The following RPA2 variants were observed in gnomAD, a reference collection of about 807,000 sequenced individuals.
RPA2 encodes replication protein A 32 kDa subunit.
RPA2 carries 22 observed loss-of-function variants against 33.4 expected under a neutral mutation model. The ratio of observed to expected loss-of-function variants is 0.66; its 90% CI spans 0.47 to 0.94. RPA2 has a LOEUF of 0.94. Among genes scored for constraint, RPA2 ranks in the 40% least tolerant of loss-of-function variants. RPA2 has a pLI of 0.00. For missense variants in RPA2, 279 were observed against 329.9 expected (o/e 0.85, Z 1.19); for synonymous variants, 109 against 114.9 (o/e 0.95, Z 0.33).
At position 27,894,055 on chromosome 1, in the gene RPA2, C is replaced by A; in HGVS notation, c.685G>T (p.Asp229Tyr). ...ATGTGTTTCAGCTGGTTCTTGAGATCCTGAAAGTTCAACCCTTCAGGTCTT... is the reference window on the plus strand; with the variant it reads ...ATGTGTTTCAGCTGGTTCTTGAGATACTGAAAGTTCAACCCTTCAGGTCTT... ...CPRPEGLNFQ[D>Y]LKNQLKHMSV... The change falls in exon 8 of 9, where the codon GAT (aspartate) becomes TAT (tyrosine). Residue 229 changes from aspartate to tyrosine, a missense_variant. Around this residue, in one of 2 missense-constraint regions of RPA2, gnomAD observed 274 missense variants for 310.3 expected, o/e 0.88. Coordinates refer to ENST00000373912, the MANE Select transcript of RPA2 (RefSeq NM_002946.5). 6.2e-7 allele frequency: 1 copy of A among 1,614,130 alleles called. No homozygotes were observed. Among genetic ancestry groups the A allele is most frequent in the Non-Finnish European group, 8.5e-7 (1 of 1,180,006 alleles).
chr1:27,892,647 C>G (rs2089839056), intron 8 of RPA2, among the ~76,000 whole-genome samples: 1 of 152,232 alleles, frequency 6.6e-6, no homozygotes, highest in Admixed American at 6.5e-5. Context: ...CCGTTGGTCC[C>G]TCTCAGGGAA....
chr1:27,909,597 C>T (rs1371519657), intron 2 of RPA2, among the ~76,000 whole-genome samples: 1 of 151,990 alleles, frequency 6.6e-6, no homozygotes, highest in African/African-American at 2.4e-5. Flanking sequence ...GCCTGTAATC[C>T]CAGCTACTGG....
At chr1:27,907,152 G>A in intron 3 of RPA2, 29 bp downstream of exon 3, 1 of 1,596,324 alleles carries the variant, frequency 6.3e-7, no homozygotes. Context: ...TTATGAGTAA[G>A]TGATTCTTTC....
chr1:27,895,946 C>T (rs2089885722), intron 6 of RPA2, among the ~76,000 whole-genome samples: 1 of 152,080 alleles, frequency 6.6e-6, no homozygotes, highest in African/African-American at 2.4e-5. Flanking sequence ...CTGGCTCTTG[C>T]ACATCCTAGT....
In RPA2 at chr1:27,900,279, T is replaced by G. The variant is rs1026150291; in HGVS notation, c.334-2572A>C. On this transcript the variant is annotated intron_variant, in intron 4 of 8. Transcript: ENST00000373912. ...GGCATGCACCACTGTGCCCGGCTAG[T>G]TTTTGCATTTTTAGTAGAGACGGGG... 4.6e-5 allele frequency among the ~76,000 whole-genome samples: 7 copies of G among 151,672 alleles called. No individual in the cohort carries two copies. In the East Asian group the frequency reaches 1.4e-3, roughly 29 times the overall value.
chr1:27,905,329 T>C lies in RPA2; in HGVS notation c.333+1599A>G, dbSNP rs556989727. 3.9e-5 allele frequency among the ~76,000 whole-genome samples: 6 copies of C among 152,322 alleles called. No homozygotes were observed. The East Asian group carries it at 1.2e-3, about 29-fold the overall frequency. Reference sequence around the variant, plus strand: ...TTCATTTTGAGACAGAGTCTTGCTCTGTCGCCCAGGCTGGAGTGCAGTGGC... The same window carrying C: ...TTCATTTTGAGACAGAGTCTTGCTCCGTCGCCCAGGCTGGAGTGCAGTGGC... On this transcript the variant is annotated intron_variant, in intron 4 of 8. Transcript: ENST00000373912.
Position 27,893,342 on chromosome 1 carries a change from G to A in RPA2, c.728+670C>T, listed in dbSNP as rs141947197. ...TTTGTGTGTGTGACAGTCTCACTCT[G>A]TCATCCAGGATGGAGTGCAGTGGCA... is the stretch of plus-strand genomic sequence containing the variant. On this transcript the variant is annotated intron_variant, in intron 8 of 8. Coordinates refer to ENST00000373912, the MANE Select transcript of RPA2 (RefSeq NM_002946.5). 4.5e-4 allele frequency among the ~76,000 whole-genome samples: 69 copies of A among 152,252 alleles called. 4 individuals are homozygous for A. The highest frequency in any genetic ancestry group is 3.4e-3 in the Middle Eastern group (1 of 294).
At chr1:27,904,335 G>T (rs970832939) in intron 4 of RPA2, among the ~76,000 whole-genome samples, 3 of 152,118 alleles carry the variant, frequency 2.0e-5, no homozygotes, top group African/African-American at 7.2e-5. Context: ...AAAATGTGTC[G>T]TAATAGTAGT....
At chr1:27,899,814 G>T (rs1369082085) in intron 4 of RPA2, among the ~76,000 whole-genome samples, 6 of 151,950 alleles carry the variant, frequency 3.9e-5, no homozygotes, top group Non-Finnish European at 8.8e-5. Context: ...CCTAGTAGCT[G>T]GGACTACAGG....
chr1:27,906,324 G>A (rs947456094), intron 4 of RPA2, among the ~76,000 whole-genome samples: 7 of 151,238 alleles, frequency 4.6e-5, no homozygotes, highest in South Asian at 2.1e-4. Context: ...CTGAGATTGC[G>A]CCATTGCACT....
chr1:27,903,220 C>T (rs189645191), intron 4 of RPA2, among the ~76,000 whole-genome samples: 123 of 152,216 alleles, frequency 8.1e-4, no homozygotes, highest in African/African-American at 2.8e-3. Flanking sequence ...TGAGCCACGA[C>T]GCCTGGCCTT....
chr1:27,892,799 ACT>A (rs1421782627), intron 8 of RPA2, among the ~76,000 whole-genome samples: 1 of 152,160 alleles, frequency 6.6e-6, no homozygotes, highest in Non-Finnish European at 1.5e-5. Context: ...TCAGCACGCA[ACT>A]CTGAGATAGG....
At position 27,891,654 on chromosome 1, in the gene RPA2, AAC is replaced by A. The variant is rs1304273416; in HGVS notation, c.*507_*508del. The A allele has an allele frequency of 6.5e-6, 1 of 152,922 alleles. No individual in the cohort carries two copies. Among genetic ancestry groups the A allele is most frequent in the East Asian group, 1.9e-4 (1 of 5,214 alleles). 9.5% of individuals were successfully genotyped at this position (152,922 alleles called of 1,614,324 possible). On this transcript the variant is annotated 3_prime_UTR_variant, in exon 9 of 9. Coordinates refer to ENST00000373912, the MANE Select transcript of RPA2 (RefSeq NM_002946.5). ...TACCGCAGAACTTCATGTTCACAGA[AAC>A]ACACGTCATGGCAAGTGTGTCAAAA...
At chr1:27,907,135 T>C (rs779346244) in intron 3 of RPA2, 46 bp downstream of exon 3, 2 of 1,587,406 alleles carry the variant, frequency 1.3e-6, no homozygotes, top group South Asian at 2.3e-5. Context: ...TCTTATTTCA[T>C]TCTTTATTAT....
Position 27,897,684 on chromosome 1 carries a change from C to G in RPA2, c.357G>C (p.Val119=), listed in dbSNP as rs2089910404. The change falls in exon 5 of 9, where the codon GTG becomes GTC. Residue 119 remains valine, a synonymous_variant. Transcript: ENST00000373912. The part of the protein sequence containing the change: ...DTDDTSSENT[V]VPPETYVKVA... ...CTTTCACATATGTTTCTGGAGGAACCACAGTGTTTTCACTGCTGGTGTCCT... is the reference window on the plus strand; with the variant it reads ...CTTTCACATATGTTTCTGGAGGAACGACAGTGTTTTCACTGCTGGTGTCCT... 1 of 1,600,602 alleles carries G rather than the reference C, an allele frequency of 6.2e-7. No homozygotes were observed. Among genetic ancestry groups the G allele is most frequent in the African/African-American group, 1.3e-5 (1 of 74,380 alleles).
At chr1:27,902,493 A>C (rs192576713) in intron 4 of RPA2, among the ~76,000 whole-genome samples, 1 of 152,206 alleles carries the variant, frequency 6.6e-6, no homozygotes, top group East Asian at 1.9e-4. Flanking sequence ...CATGTTGGCC[A>C]GGCTGGTCTC....
chr1:27,894,181 TAGAAA>T, intron 7 of RPA2, 75 bp from the exon 8 acceptor site: 1 of 1,515,250 alleles, frequency 6.6e-7, no homozygotes, highest in Non-Finnish European at 9.1e-7. Context: ...AGTCCCTTTA[TAGAAA>T]AGAAATGAAC....
intron 2 of RPA2, among the ~76,000 whole-genome samples, chr1:27,908,767 G>C: frequency 6.6e-6 from 1 of 152,158 alleles, no homozygotes; most frequent in East Asian, 1.9e-4. Flanking sequence ...CAAAGTGTTG[G>C]GATTATAGGC....
intron 2 of RPA2, among the ~76,000 whole-genome samples, chr1:27,910,829 C>G (rs906646975): frequency 3.3e-5 from 5 of 152,016 alleles, no homozygotes; most frequent in Admixed American, 6.6e-5. Context: ...CCACTGCACT[C>G]CAGCGGGGGT....
Sources: gnomAD v4.1 joint callset for allele counts (sites outside exome capture counted in the v4.1 genomes callset) on GRCh38, gnomAD v4.1.1 for gene constraint, gnomAD v4.1.1 regional missense constraint, MANE v1.5 for transcripts, NCBI Gene and HGNC (gene_info 2026-07-23, HGNC 2026-07-21) for gene names.